SORCS1: variants seen among roughly 807,000 people sequenced by gnomAD.
The protein encoded by SORCS1 is VPS10 domain-containing receptor SorCS1.
In SORCS1, 60 loss-of-function variants were observed where a neutral mutation model predicts 146.1. The ratio of observed to expected loss-of-function variants is 0.41; its 90% CI spans 0.33 to 0.51. The LOEUF is 0.51. Ranked by LOEUF, SORCS1 falls within the 20% of genes least tolerant of loss-of-function variation. SORCS1 has a pLI of 0.21. For synonymous variants in SORCS1, 637 were observed against 584.0 expected, an observed-to-expected ratio of 1.09 and a Z score of -1.31; for missense variants, 1,352 against 1,487.6, an observed-to-expected ratio of 0.91 and a Z score of 1.50.
intron 4 of SORCS1, among the ~76,000 whole-genome samples, chr10:106,775,181 G>A (rs146688524): frequency 5.3e-5 from 8 of 152,160 alleles, no homozygotes; most frequent in Middle Eastern, 3.2e-3. Context: ...CTCTGGCATC[G>A]GTGGGGGGGA....
At chr10:106,763,218 C>T (rs1394728644) in intron 4 of SORCS1, among the ~76,000 whole-genome samples, 1 of 152,158 alleles carries the variant, frequency 6.6e-6, no homozygotes, top group Non-Finnish European at 1.5e-5. Context: ...CTGTGTGCTC[C>T]TATGGCTATA....
chr10:106,772,835 A>G (rs1392421506), intron 4 of SORCS1, among the ~76,000 whole-genome samples: 1 of 152,094 alleles, frequency 6.6e-6, no homozygotes, highest in African/African-American at 2.4e-5. Flanking sequence ...AAAATGAAAC[A>G]CAATTAGAGC....
At chr10:106,631,841 CTGGAT>C (rs1444720154) in intron 18 of SORCS1, among the ~76,000 whole-genome samples, 2 of 152,122 alleles carry the variant, frequency 1.3e-5, no homozygotes, top group East Asian at 3.9e-4. Flanking sequence ...TTTTGTTGTC[CTGGAT>C]CAAGACCAGT....
intron 5 of SORCS1, among the ~76,000 whole-genome samples, chr10:106,732,955 C>T (rs1392448359): frequency 2.6e-5 from 4 of 151,766 alleles, no homozygotes; most frequent in African/African-American, 9.7e-5. Flanking sequence ...CCCGTATCTA[C>T]TAAAACTACA....
chr10:106,612,597 C>T (rs1589471696), intron 21 of SORCS1, among the ~76,000 whole-genome samples: 1 of 152,006 alleles, frequency 6.6e-6, no homozygotes, highest in South Asian at 2.1e-4. Flanking sequence ...TACGTGGGGG[C>T]AGCCATGTTG....
chr10:106,762,055 C>G (rs149250221), intron 4 of SORCS1, among the ~76,000 whole-genome samples: 1 of 152,086 alleles, frequency 6.6e-6, no homozygotes, highest in Admixed American at 6.5e-5. Context: ...TGGAAGAGTA[C>G]GCAATGTAAC....
At chr10:106,921,761 G>T (rs1423502900) in intron 2 of SORCS1, among the ~76,000 whole-genome samples, 1 of 152,090 alleles carries the variant, frequency 6.6e-6, no homozygotes, top group Non-Finnish European at 1.5e-5. Context: ...AATGCTAAGG[G>T]TCCAGTGCCC....
intron 3 of SORCS1, among the ~76,000 whole-genome samples, chr10:106,825,068 C>G (rs1300977056): frequency 6.6e-6 from 1 of 151,938 alleles, no homozygotes; most frequent in African/African-American, 2.4e-5. Context: ...CCTTTTATTC[C>G]CCAGTGAATT....
intron 2 of SORCS1, among the ~76,000 whole-genome samples, chr10:106,921,151 GT>G (rs1273326698): frequency 6.6e-6 from 1 of 152,172 alleles, no homozygotes; most frequent in African/African-American, 2.4e-5. Context: ...TTATGTTCCA[GT>G]TTTTAAAGCC....
intron 2 of SORCS1, among the ~76,000 whole-genome samples, chr10:106,917,399 G>A (rs1003115584): frequency 2.6e-5 from 4 of 152,056 alleles, no homozygotes; most frequent in African/African-American, 9.7e-5. Context: ...CCACTAAATG[G>A]TCTATAGCTT....
intron 1 of SORCS1, among the ~76,000 whole-genome samples, chr10:107,075,594 G>C (rs1962809288): frequency 6.6e-6 from 1 of 151,930 alleles, no homozygotes; most frequent in African/African-American, 2.4e-5. Flanking sequence ...TGTATCTTTG[G>C]GCTCCTGAAT....
chr10:106,786,436 G>T (rs1444378495), intron 3 of SORCS1, among the ~76,000 whole-genome samples: 1 of 152,076 alleles, frequency 6.6e-6, no homozygotes, highest in Non-Finnish European at 1.5e-5. Context: ...ACATAACATG[G>T]CAGTTTCATA....
At chr10:106,950,373 C>T (rs1954614391) in intron 2 of SORCS1, among the ~76,000 whole-genome samples, 1 of 152,180 alleles carries the variant, frequency 6.6e-6, no homozygotes, top group Admixed American at 6.5e-5. Flanking sequence ...CTCTTGACTA[C>T]CCTACCACCT....
At chr10:106,995,043 T>C (rs1225140960) in intron 1 of SORCS1, among the ~76,000 whole-genome samples, 4 of 152,134 alleles carry the variant, frequency 2.6e-5, no homozygotes, top group Non-Finnish European at 5.9e-5. Context: ...CCAGGCATGG[T>C]GGCTCACGCC....
intron 23 of SORCS1, among the ~76,000 whole-genome samples, chr10:106,604,039 G>A (rs1285896484): frequency 6.6e-6 from 1 of 152,128 alleles, no homozygotes; most frequent in Non-Finnish European, 1.5e-5. Flanking sequence ...GAGAGGTACC[G>A]TCTTTGGATT....
rs549009161 is a variant in SORCS1 at position 106,629,951 on chromosome 10, G to A, written c.2476-563C>T. Among the ~76,000 whole-genome samples the A allele has an allele frequency of 7.2e-5, 11 of 152,280 alleles. 1 individual carries two copies. The South Asian group carries it at 2.1e-3, about 29-fold the overall frequency. On this transcript the variant is annotated intron_variant, in intron 18 of 25. Coordinates refer to ENST00000263054, the MANE Select transcript of SORCS1 (RefSeq NM_052918.5). The stretch of plus-strand genomic sequence containing the variant: ...CCCAGCTACTCGGGGGGGCTGAGGC[G>A]GGAGAATTGCTTGAATCTGGCAGGC...
In SORCS1 at chr10:106,738,402, G is replaced by C. The variant is rs143125983; in HGVS notation, c.960-8288C>G. 3.7e-3 allele frequency among the ~76,000 whole-genome samples: 565 copies of C among 152,328 alleles called. 10 individuals are homozygous for C. The highest frequency in any genetic ancestry group is 0.013 in the African/African-American group (545 of 41,566). ...ACATTTCTGTAGGGAGGAGACCTGGGATTTTCTCAAATCTTGAATACTTAT... is the reference window on the plus strand; with the variant it reads ...ACATTTCTGTAGGGAGGAGACCTGGCATTTTCTCAAATCTTGAATACTTAT... On this transcript the variant is annotated intron_variant, in intron 5 of 25. Coordinates refer to ENST00000263054, the MANE Select transcript of SORCS1 (RefSeq NM_052918.5).
the SORCS1 span, among the ~76,000 whole-genome samples, chr10:107,179,083 G>T: frequency 6.6e-6 from 1 of 152,038 alleles, no homozygotes; most frequent in Non-Finnish European, 1.5e-5. Flanking sequence ...CCCACCTACA[G>T]CCTATGAGAG....
intron 8 of SORCS1, among the ~76,000 whole-genome samples, chr10:106,702,850 T>C (rs1854231405): frequency 6.6e-6 from 1 of 152,152 alleles, no homozygotes; most frequent in Non-Finnish European, 1.5e-5. Context: ...TCTTACAGAT[T>C]TTGTATTGAA....
Sources: allele counts gnomAD v4.1 joint callset (sites outside exome capture counted in the v4.1 genomes callset), GRCh38; gene constraint gnomAD v4.1.1; transcripts MANE v1.5; gene names NCBI Gene and HGNC (gene_info 2026-07-23, HGNC 2026-07-21).